LRRTM4: variants seen among roughly 807,000 people sequenced by gnomAD.
LRRTM4 encodes leucine rich repeat transmembrane neuronal 4.
A neutral mutation model predicts 47.6 loss-of-function variants in LRRTM4; 25 were observed. That is an observed-to-expected ratio of 0.53 (90% CI 0.38 to 0.73). The LOEUF (loss-of-function observed/expected upper bound fraction) is 0.73, where lower values mean the gene tolerates loss of function less well. Among genes scored for constraint, LRRTM4 ranks in the 30% least tolerant of loss-of-function variants. LRRTM4 has a pLI of 0.00. For synonymous variants in LRRTM4, 311 were observed against 269.5 expected (o/e 1.15, Z -1.51); for missense variants, 638 against 713.4 (o/e 0.89, Z 1.20).
At chr2:76,851,112 T>C (rs185063208) in intron 3 of LRRTM4, among the ~76,000 whole-genome samples, 64 of 152,262 alleles carry the variant, frequency 4.2e-4, no homozygotes, top group African/African-American at 1.5e-3. Context: ...GCAATTCTAT[T>C]TATCTAAGAG....
intron 3 of LRRTM4, among the ~76,000 whole-genome samples, chr2:76,769,189 G>A (rs1445047388): frequency 6.6e-6 from 1 of 152,024 alleles, no homozygotes. Flanking sequence ...GGAACGTTCT[G>A]CTCCCTTGGT....
At chr2:77,354,722 A>C (rs760686251) in intron 3 of LRRTM4, among the ~76,000 whole-genome samples, 3 of 152,146 alleles carry the variant, frequency 2.0e-5, no homozygotes, top group Non-Finnish European at 2.9e-5. Context: ...TCAGCTCTAG[A>C]CAAGGAAGCT....
chr2:77,302,572 T>C (rs139340614), intron 3 of LRRTM4, among the ~76,000 whole-genome samples: 29 of 152,314 alleles, frequency 1.9e-4, no homozygotes, highest in African/African-American at 5.8e-4. Context: ...CCACACAGCC[T>C]CTTTGTGTAT....
At chr2:77,010,242 T>C (rs1553444450) in intron 3 of LRRTM4, among the ~76,000 whole-genome samples, 1 of 152,006 alleles carries the variant, frequency 6.6e-6, no homozygotes, top group Non-Finnish European at 1.5e-5. Context: ...AATGTATTTA[T>C]TGTGTGTAAC....
chr2:77,468,198 G>T (rs982580489), intron 3 of LRRTM4, among the ~76,000 whole-genome samples: 1 of 151,994 alleles, frequency 6.6e-6, no homozygotes, highest in Non-Finnish European at 1.5e-5. Context: ...AGAGAATGAC[G>T]TCTTCATCAA....
rs757971540 is a variant in LRRTM4 at position 76,761,810 on chromosome 2, A to G, written c.1552-12894T>C. ...ACCCCAAAGTGTTAGCAAATAAGCA[A>G]TAATGACAAGGAGACACTTAGGGGA... On this transcript the variant is annotated intron_variant, in intron 3 of 3. Coordinates refer to ENST00000409884, the MANE Select transcript of LRRTM4 (RefSeq NM_001134745.3). 5.9e-5 allele frequency among the ~76,000 whole-genome samples: 9 copies of G among 152,224 alleles called. No individual in the cohort carries two copies. The South Asian group carries it at 8.3e-4, about 14-fold the overall frequency.
intron 3 of LRRTM4, among the ~76,000 whole-genome samples, chr2:77,496,941 G>A (rs766161112): frequency 6.6e-6 from 1 of 151,698 alleles, no homozygotes; most frequent in African/African-American, 2.4e-5. Context: ...TTTTATGTGT[G>A]GGTAAGCTTG....
chr2:76,833,236 T>A (rs1671405065), intron 3 of LRRTM4, among the ~76,000 whole-genome samples: 1 of 152,156 alleles, frequency 6.6e-6, no homozygotes, highest in African/African-American at 2.4e-5. Flanking sequence ...AGAGTTTTAT[T>A]TTAAAGCTCC....
At chr2:77,271,816 T>C (rs1343023679) in intron 3 of LRRTM4, among the ~76,000 whole-genome samples, 3 of 152,224 alleles carry the variant, frequency 2.0e-5, no homozygotes, top group African/African-American at 7.2e-5. Context: ...TCTGATCCAA[T>C]AGCAGATTTC....
intron 3 of LRRTM4, among the ~76,000 whole-genome samples, chr2:77,278,641 A>C (rs1221657877): frequency 6.6e-6 from 1 of 152,040 alleles, no homozygotes; most frequent in East Asian, 1.9e-4. Flanking sequence ...TGGTTAAGTT[A>C]GAGCAAAGGG....
intron 3 of LRRTM4, among the ~76,000 whole-genome samples, chr2:77,033,800 CTT>C (rs1209555113): frequency 6.6e-6 from 1 of 151,574 alleles, no homozygotes; most frequent in Non-Finnish European, 1.5e-5. Context: ...TTAATAATGT[CTT>C]ATTAAATGAA....
At chr2:76,852,119 T>C (rs551428024) in intron 3 of LRRTM4, among the ~76,000 whole-genome samples, 5 of 152,174 alleles carry the variant, frequency 3.3e-5, no homozygotes, top group Admixed American at 2.0e-4. Context: ...ACCTGCATTA[T>C]TGAATGTGAT....
At chr2:77,079,134 C>T (rs950716015) in intron 3 of LRRTM4, among the ~76,000 whole-genome samples, 1 of 152,156 alleles carries the variant, frequency 6.6e-6, no homozygotes, top group African/African-American at 2.4e-5. Context: ...GAGACAATAG[C>T]AAAGACACTA....
At chr2:76,940,780 A>G (rs1330512999) in intron 3 of LRRTM4, among the ~76,000 whole-genome samples, 6 of 152,108 alleles carry the variant, frequency 3.9e-5, no homozygotes, top group Non-Finnish European at 8.8e-5. Flanking sequence ...CCCTTACTAC[A>G]CTGTGCTAAC....
chr2:77,521,836 G>GTA lies in LRRTM4; in HGVS notation c.-147-19_-147-18insTA, dbSNP rs1679517949. 1 of 212,024 alleles carries GTA rather than the reference G, an allele frequency of 4.7e-6. No homozygotes were observed. Among genetic ancestry groups the GTA allele is most frequent in the Non-Finnish European group, 7.8e-6 (1 of 127,432 alleles). The allele number at this position is 212,024 out of a possible 1,614,324, so 13.1% of individuals were successfully genotyped here. On this transcript the variant is annotated intron_variant, in intron 1 of 3. Transcript: ENST00000409884. ...CATACAAACTTCCCCGAGAGGACAGGCAAAAAAAAAAAAAAAAAATACATA... is the reference window on the plus strand; with the variant it reads ...CATACAAACTTCCCCGAGAGGACAGGTACAAAAAAAAAAAAAAAAAATACATA...
chr2:76,992,368 T>C (rs1235312591), intron 3 of LRRTM4, among the ~76,000 whole-genome samples: 1 of 151,814 alleles, frequency 6.6e-6, no homozygotes, highest in East Asian at 1.9e-4. Context: ...GATATGATTC[T>C]ATACCTAGAA....
intron 3 of LRRTM4, among the ~76,000 whole-genome samples, chr2:77,165,424 T>C (rs1235942349): frequency 6.6e-6 from 1 of 152,048 alleles, no homozygotes; most frequent in Admixed American, 6.6e-5. Flanking sequence ...ACTATTCCAA[T>C]CAGTAGAAAA....
At chr2:77,517,137 C>A (rs1679240937) in intron 3 of LRRTM4, 1 of 985,072 alleles carries the variant, frequency 1.0e-6, no homozygotes, top group Non-Finnish European at 1.2e-6. Flanking sequence ...AAGAAAAGAA[C>A]AATTTACATC....
chr2:77,222,946 C>T (rs1008320565), intron 3 of LRRTM4, among the ~76,000 whole-genome samples: 1 of 152,040 alleles, frequency 6.6e-6, no homozygotes, highest in African/African-American at 2.4e-5. Flanking sequence ...AACATTGATG[C>T]AAAAATCCTC....
Sources: allele counts gnomAD v4.1 joint callset (sites outside exome capture counted in the v4.1 genomes callset), GRCh38; gene constraint gnomAD v4.1.1; transcripts MANE v1.5; gene names NCBI Gene and HGNC (gene_info 2026-07-23, HGNC 2026-07-21).